Variants in ZBTB44 observed in about 807,000 individuals in gnomAD.
ZBTB44 encodes zinc finger and BTB domain containing 44.
ZBTB44 carries 15 observed loss-of-function variants against 54.0 expected under a neutral mutation model. The observed-to-expected ratio is 0.28, with a 90% CI of 0.19 to 0.43. The LOEUF is 0.43. ZBTB44 is among the 20% of genes least tolerant of loss of function. The probability of loss-of-function intolerance (pLI) is 1.00; values close to 1 mark genes in which losing one functional copy is unlikely to be tolerated. For missense variants in ZBTB44, 487 were observed against 707.1 expected (o/e 0.69, Z 3.53); for synonymous variants, 230 against 250.1 (o/e 0.92, Z 0.76).
At position 130,260,946 on chromosome 11, in the gene ZBTB44, A is replaced by C. The variant is rs1258757391; in HGVS notation, c.928T>G (p.Ser310Ala). Residue 310 changes from serine (S) to alanine (A), a missense_variant, in exon 2 of 8, where the codon TCT (serine) becomes GCT (alanine). By Grantham distance (99) the Ser-to-Ala change is moderately conservative. Coordinates refer to ENST00000357899, the MANE Select transcript of ZBTB44 (RefSeq NM_001301098.2). ...TGCTGATCACTCAGCGAACTCTGAG[A>C]TGCACTGACAGGCTGGGACACTTCC... ...HEEVSQPVSA[S>A]QSSLSDQQTV... The C allele has an allele frequency of 1.9e-6, 3 of 1,614,034 alleles. No homozygotes were observed. In the South Asian group the frequency reaches 3.3e-5, roughly 18 times the overall value.
intron 4 of ZBTB44, among the ~76,000 whole-genome samples, chr11:130,237,753 A>G (rs988145012): frequency 6.6e-6 from 1 of 152,222 alleles, no homozygotes; most frequent in African/African-American, 2.4e-5. Flanking sequence ...AATTGGTGCT[A>G]GGACAGGGAC....
At chr11:130,238,356 G>A in intron 4 of ZBTB44, 88 bp downstream of exon 4, 1 of 1,390,490 alleles carries the variant, frequency 7.2e-7, no homozygotes, top group Admixed American at 3.1e-5. Flanking sequence ...TTAAAACTCA[G>A]AAGCCCCTGT....
At chr11:130,285,397 T>C (rs1940886587) in intron 1 of ZBTB44, 2 of 152,334 alleles carry the variant, frequency 1.3e-5, no homozygotes, top group Admixed American at 1.3e-4. Context: ...GTTCAAGTGA[T>C]TCTCCTGCCT....
At chr11:130,299,479 G>A (rs546247311) in intron 1 of ZBTB44, among the ~76,000 whole-genome samples, 1 of 151,890 alleles carries the variant, frequency 6.6e-6, no homozygotes, top group African/African-American at 2.4e-5. Context: ...CTTGAACCCA[G>A]GAGGCAGAGG....
intron 1 of ZBTB44, among the ~76,000 whole-genome samples, chr11:130,295,135 T>G (rs755173605): frequency 2.0e-5 from 3 of 152,110 alleles, no homozygotes; most frequent in Non-Finnish European, 2.9e-5. Context: ...AAACTCAAAC[T>G]GCGGCACCAG....
intron 2 of ZBTB44, among the ~76,000 whole-genome samples, chr11:130,260,241 A>G (rs1938763326): frequency 6.6e-6 from 1 of 152,288 alleles, no homozygotes; most frequent in Middle Eastern, 3.4e-3. Context: ...ACTGTTTACC[A>G]AACACACAAT....
intron 1 of ZBTB44, among the ~76,000 whole-genome samples, chr11:130,269,784 TTC>T (rs1050953766): frequency 1.2e-4 from 19 of 152,212 alleles, no homozygotes; most frequent in African/African-American, 4.6e-4. Context: ...CTAATGATGC[TTC>T]TGTTTTTTTT....
At chr11:130,246,692 A>G (rs919353943) in intron 2 of ZBTB44, among the ~76,000 whole-genome samples, 2 of 152,200 alleles carry the variant, frequency 1.3e-5, no homozygotes, top group African/African-American at 2.4e-5. Context: ...CATTGTTCTA[A>G]AAGGTTTTCA....
chr11:130,247,568 C>G (rs1406337006), intron 2 of ZBTB44, among the ~76,000 whole-genome samples: 1 of 152,164 alleles, frequency 6.6e-6, no homozygotes, highest in Non-Finnish European at 1.5e-5. Flanking sequence ...GCTGTGTTAA[C>G]GGCCTACAAG....
intron 2 of ZBTB44, among the ~76,000 whole-genome samples, chr11:130,244,865 A>G (rs959560436): frequency 2.0e-5 from 3 of 152,160 alleles, no homozygotes; most frequent in African/African-American, 7.2e-5. Flanking sequence ...AAACAGGTAC[A>G]TCATCCACTT....
chr11:130,244,667 GAAAAA>G (rs11360161), intron 2 of ZBTB44, among the ~76,000 whole-genome samples: 4 of 104,798 alleles, frequency 3.8e-5, no homozygotes, highest in South Asian at 3.1e-4. Context: ...ACTCTGTCTG[GAAAAA>G]AAAAAAAAAA....
At chr11:130,291,477 T>C (rs764882936) in intron 1 of ZBTB44, among the ~76,000 whole-genome samples, 18 of 152,294 alleles carry the variant, frequency 1.2e-4, no homozygotes, top group Non-Finnish European at 2.4e-4. Flanking sequence ...TACTTTCAAA[T>C]ATATTCTTTG....
At chr11:130,307,024 C>T (rs1485228919) in intron 1 of ZBTB44, among the ~76,000 whole-genome samples, 1 of 149,644 alleles carries the variant, frequency 6.7e-6, no homozygotes, top group Non-Finnish European at 1.5e-5. Context: ...ACCACCTGCA[C>T]CCCCAAAACT....
chr11:130,298,104 C>T (rs1414825518), intron 1 of ZBTB44, among the ~76,000 whole-genome samples: 1 of 151,112 alleles, frequency 6.6e-6, no homozygotes, highest in East Asian at 1.9e-4. Flanking sequence ...AAATAAAACA[C>T]TGACAAAATT....
At position 130,261,364 on chromosome 11, in the gene ZBTB44, TA is replaced by T; in HGVS notation, c.509del (p.Val170GlufsTer27). 6.2e-7 allele frequency: 1 copy of T among 1,614,026 alleles called. No homozygotes were observed. Among genetic ancestry groups the T allele is most frequent in the Non-Finnish European group, 8.5e-7 (1 of 1,179,906 alleles). On this transcript the variant is annotated frameshift_variant, in exon 2 of 8. Coordinates refer to ENST00000357899, the MANE Select transcript of ZBTB44 (RefSeq NM_001301098.2). LOFTEE classifies it high-confidence loss of function. This position sits in a 1 kb window ranked among gnomAD's most constrained non-coding sequence, Gnocchi z 4.8. ...ISPVSSECSV[V>X]ERTIPVCRES... ...CTCGGCAGACAGGAATGGTTCTTTC[TA>T]CCACACTGCACTCTGAGGACACGGG...
chr11:130,239,811 CCGAT>C lies in ZBTB44; in HGVS notation c.1100_1103del (p.Arg368TrpfsTer46). The C allele has an allele frequency of 6.2e-7, 1 of 1,611,312 alleles. No homozygotes were observed. The highest frequency in any genetic ancestry group is 8.5e-7 in the Non-Finnish European group (1 of 1,178,260). On this transcript the variant is annotated frameshift_variant and splice_region_variant, in exon 3 of 8. Transcript: ENST00000357899. LOFTEE classifies it high-confidence loss of function. The stretch of plus-strand genomic sequence containing the variant: ...TAACGAAATGCTATGTTAGTACTGA[CCGAT>C]CATCATCATCCGGAGGAGCATTAGT...
In ZBTB44 at chr11:130,281,847, C is replaced by T. The variant is rs369045263; in HGVS notation, c.-56-19918G>A. Among the ~76,000 whole-genome samples the T allele has an allele frequency of 1.7e-3, 254 of 152,290 alleles. 1 individual carries two copies. The Middle Eastern group carries it at 0.034, about 20-fold the overall frequency. The stretch of plus-strand genomic sequence containing the variant: ...GTCTCGATCTCCTGGCCTCGTGATC[C>T]GCCCGCCTTGGCCTCCCAAAGTGCT... On this transcript the variant is annotated intron_variant, in intron 1 of 7. Transcript: ENST00000357899.
At chr11:130,285,655 A>AT in intron 1 of ZBTB44, 1 of 266,168 alleles carries the variant, frequency 3.8e-6, no homozygotes, top group Non-Finnish European at 7.5e-6. Context: ...TCACAGTCTA[A>AT]TTTTTTATTT....
intron 1 of ZBTB44, among the ~76,000 whole-genome samples, chr11:130,308,808 T>A (rs1942417850): frequency 6.6e-6 from 1 of 152,170 alleles, no homozygotes; most frequent in Admixed American, 6.5e-5. Flanking sequence ...AGTGCAAGCA[T>A]TCTCCATCTT....
Sources: gnomAD v4.1 joint callset for allele counts (sites outside exome capture counted in the v4.1 genomes callset) on GRCh38, gnomAD v4.1.1 for gene constraint, Gnocchi (gnomAD v3.1) non-coding constraint, MANE v1.5 for transcripts, NCBI Gene and HGNC (gene_info 2026-07-23, HGNC 2026-07-21) for gene names.